DPP6: variants seen among roughly 807,000 people sequenced by gnomAD.
DPP6 encodes the protein A-type potassium channel modulatory protein DPP6.
In DPP6, 69 loss-of-function variants were observed where a neutral mutation model predicts 122.6. The observed-to-expected ratio is 0.56, with a 90% CI of 0.46 to 0.69. DPP6 has a LOEUF of 0.69. Among genes scored for constraint, DPP6 ranks in the 30% least tolerant of loss-of-function variants. The probability of loss-of-function intolerance (pLI) is 0.00; values close to 1 mark genes in which losing one functional copy is unlikely to be tolerated. For synonymous variants in DPP6, 418 were observed against 433.1 expected (o/e 0.97, Z 0.43); for missense variants, 928 against 1,116.9 (o/e 0.83, Z 2.41).
intron 7 of DPP6, among the ~76,000 whole-genome samples, chr7:154,715,364 C>T (rs1841424379): frequency 6.6e-6 from 1 of 152,178 alleles, no homozygotes; most frequent in African/African-American, 2.4e-5. Flanking sequence ...CCACTGCACC[C>T]AGCCAGGATA....
At chr7:154,887,826 T>TTCCCCAGCCCCATGCTTCTCCC (rs1806288198) in intron 23 of DPP6, 92 bp downstream of exon 23, 16 of 1,424,614 alleles carry the variant, frequency 1.1e-5, no homozygotes, top group Non-Finnish European at 1.6e-5. Flanking sequence ...CCACTCTGCC[T>TTCCCCAGCCCCATGCTTCTCCC]TCCCCAGCCC....
intron 1 of DPP6, among the ~76,000 whole-genome samples, chr7:154,300,048 T>A (rs1805802528): frequency 6.6e-6 from 1 of 152,226 alleles, no homozygotes; most frequent in South Asian, 2.1e-4. Flanking sequence ...ACAGGACTGA[T>A]TGCGCCTCAA....
At chr7:154,726,647 G>A (rs1161602766) in intron 7 of DPP6, among the ~76,000 whole-genome samples, 2 of 152,286 alleles carry the variant, frequency 1.3e-5, no homozygotes, top group African/African-American at 2.4e-5. Context: ...CCTTGGAGGC[G>A]TTTTCCTTAT....
the DPP6 span, among the ~76,000 whole-genome samples, chr7:153,793,143 G>A: frequency 3.3e-5 from 5 of 152,158 alleles, no homozygotes; most frequent in African/African-American, 7.2e-5. Context: ...AAATGTGGAA[G>A]TGACATTGGA....
rs113433562 is a variant in DPP6, at chr7:154,852,748, A to T, written c.1667-1032A>T. On this transcript the variant is annotated intron_variant, in intron 16 of 25. Coordinates refer to ENST00000377770, the MANE Select transcript of DPP6 (RefSeq NM_130797.4). ...GCAAGTATGCTGATCATTACATATT[A>T]TAAGGTCCCAATAGCGTAGTGTGTG... is the stretch of plus-strand genomic sequence containing the variant. 2.5e-3 allele frequency among the ~76,000 whole-genome samples: 379 copies of T among 152,358 alleles called. 3 individuals carry two copies. Among genetic ancestry groups the T allele is most frequent in the African/African-American group, 8.8e-3 (367 of 41,586 alleles).
At chr7:153,832,790 T>C in the DPP6 span, among the ~76,000 whole-genome samples, 2 of 152,184 alleles carry the variant, frequency 1.3e-5, no homozygotes, top group Admixed American at 6.5e-5. Context: ...CCAAAGATAA[T>C]ATGTACTTTC....
chr7:154,195,970 C>G (rs1798846056), intron 1 of DPP6, among the ~76,000 whole-genome samples: 1 of 152,188 alleles, frequency 6.6e-6, no homozygotes, highest in South Asian at 2.1e-4. Flanking sequence ...TCTCCCTTTT[C>G]AAGACCCTCT....
intron 6 of DPP6, among the ~76,000 whole-genome samples, chr7:154,666,698 G>A (rs1178180474): frequency 6.6e-6 from 1 of 151,916 alleles, no homozygotes; most frequent in Non-Finnish European, 1.5e-5. Flanking sequence ...TCTACTCACT[G>A]CTCAATACTA....
At chr7:153,800,519 T>C in the DPP6 span, among the ~76,000 whole-genome samples, 1 of 152,060 alleles carries the variant, frequency 6.6e-6, no homozygotes, top group African/African-American at 2.4e-5. Flanking sequence ...GTGACTACAG[T>C]TAACGAAACT....
chr7:153,984,952 A>C (rs1796769229), intron 1 of DPP6, among the ~76,000 whole-genome samples: 1 of 152,178 alleles, frequency 6.6e-6, no homozygotes, highest in South Asian at 2.1e-4. Flanking sequence ...ACTAGGGATA[A>C]AGTGGCCAAT....
At chr7:154,682,766 C>G (rs544628122) in intron 7 of DPP6, among the ~76,000 whole-genome samples, 2 of 152,212 alleles carry the variant, frequency 1.3e-5, no homozygotes, top group South Asian at 4.1e-4. Flanking sequence ...TGGATACTAA[C>G]GTACTTCTGC....
the DPP6 span, among the ~76,000 whole-genome samples, chr7:153,845,076 A>G: frequency 3.9e-5 from 6 of 152,306 alleles, no homozygotes; most frequent in South Asian, 2.1e-4. Context: ...GCTTTAACAG[A>G]TGGATTCTGT....
At chr7:154,632,713 T>C (rs1835480770) in intron 5 of DPP6, among the ~76,000 whole-genome samples, 1 of 151,934 alleles carries the variant, frequency 6.6e-6, no homozygotes, top group Non-Finnish European at 1.5e-5. Flanking sequence ...GAAGATTTCA[T>C]AGGGGAGGAG....
chr7:154,464,947 C>A (rs1821658392), intron 2 of DPP6, among the ~76,000 whole-genome samples: 1 of 152,058 alleles, frequency 6.6e-6, no homozygotes, highest in South Asian at 2.1e-4. Flanking sequence ...CACATGTATA[C>A]CTACGATAAA....
intron 1 of DPP6, among the ~76,000 whole-genome samples, chr7:154,105,942 A>G (rs149961690): frequency 0.013 from 1,862 of 148,470 alleles, 98 homozygotes; most frequent in African/African-American, 0.046. Context: ...CATGGCCCCG[A>G]CTCGCTTTCC....
At chr7:153,816,746 C>A in the DPP6 span, among the ~76,000 whole-genome samples, 1 of 151,870 alleles carries the variant, frequency 6.6e-6, no homozygotes, top group Admixed American at 6.6e-5. Context: ...ACAGGTGAGA[C>A]CCATTTACTA....
chr7:153,920,986 A>T (rs1800611988), intron 1 of DPP6, among the ~76,000 whole-genome samples: 1 of 152,354 alleles, frequency 6.6e-6, no homozygotes, highest in Non-Finnish European at 1.5e-5. Flanking sequence ...ATCTACCCAC[A>T]CGATCCTGAA....
chr7:154,412,068 C>A (rs571314307), intron 1 of DPP6, among the ~76,000 whole-genome samples: 1 of 152,176 alleles, frequency 6.6e-6, no homozygotes, highest in South Asian at 2.1e-4. Flanking sequence ...ATAGCACCTC[C>A]TTGTCAAGTC....
Position 153,897,690 on chromosome 7 carries a change from TAAC to T in DPP6, c.51+9962_51+9964del, listed in dbSNP as rs199535543. Among the ~76,000 whole-genome samples, 94 of 152,348 alleles carry T rather than the reference TAAC, an allele frequency of 6.2e-4. 1 individual carries two copies. In the East Asian group the frequency reaches 0.017, roughly 27 times the overall value. On this transcript the variant is annotated intron_variant, in intron 1 of 25. Coordinates refer to the DPP6 transcript ENST00000404039. ...AGTTTGATCAGGGTAACTGTGAATT[TAAC>T]AACAAGACACCATATTTTTTATTCA... is the stretch of plus-strand genomic sequence containing the variant.
Sources: allele counts gnomAD v4.1 joint callset (sites outside exome capture counted in the v4.1 genomes callset), GRCh38; gene constraint gnomAD v4.1.1; transcripts MANE v1.5; gene names NCBI Gene and HGNC (gene_info 2026-07-23, HGNC 2026-07-21).